ASIC2: variants seen among roughly 807,000 people sequenced by gnomAD.
The protein encoded by ASIC2 is acid sensing ion channel subunit 2.
In ASIC2, 25 loss-of-function variants were observed where a neutral mutation model predicts 57.3. The ratio of observed to expected loss-of-function variants is 0.44; its 90% CI spans 0.32 to 0.61. ASIC2 has a LOEUF of 0.61. Ranked by LOEUF, ASIC2 falls within the 20% of genes least tolerant of loss-of-function variation. The pLI is 0.06. For synonymous variants in ASIC2, 319 were observed against 307.5 expected (o/e 1.04, Z -0.39); for missense variants, 641 against 738.1 (o/e 0.87, Z 1.52).
chr17:33,896,558 A>AG (rs1915103722), intron 1 of ASIC2, among the ~76,000 whole-genome samples: 1 of 152,248 alleles, frequency 6.6e-6, no homozygotes, highest in South Asian at 2.1e-4. Flanking sequence ...CTTGGCCTGC[A>AG]GGGGCTCAGA....
intron 1 of ASIC2, among the ~76,000 whole-genome samples, chr17:33,611,794 A>G (rs1001367764): frequency 9.9e-5 from 15 of 152,218 alleles, no homozygotes; most frequent in South Asian, 2.1e-4. Flanking sequence ...GGCCAACTCA[A>G]TGGGGTGGAG....
At chr17:33,931,160 G>T in intron 1 of ASIC2, 1 of 152,274 alleles carries the variant, frequency 6.6e-6, no homozygotes. Context: ...ATTCAGCTGG[G>T]AGCACCGGCG....
At chr17:33,820,294 TTGAAA>T (rs1312576592) in intron 1 of ASIC2, among the ~76,000 whole-genome samples, 1 of 152,238 alleles carries the variant, frequency 6.6e-6, no homozygotes, top group Non-Finnish European at 1.5e-5. Context: ...GTTATTTTCA[TTGAAA>T]ACTGAGATGA....
At chr17:33,923,716 G>C (rs889309157) in intron 1 of ASIC2, among the ~76,000 whole-genome samples, 3 of 152,204 alleles carry the variant, frequency 2.0e-5, no homozygotes, top group South Asian at 2.1e-4. Flanking sequence ...ACTCTGGAAA[G>C]TGTTTGATAT....
At chr17:33,037,389 C>CTTTTT (rs35286664) in intron 3 of ASIC2, among the ~76,000 whole-genome samples, 3 of 123,820 alleles carry the variant, frequency 2.4e-5, no homozygotes, top group African/African-American at 9.7e-5. Context: ...ACTTCCCCCT[C>CTTTTT]TTTTTTTTTT....
At chr17:33,628,115 G>A (rs1446999231) in intron 1 of ASIC2, among the ~76,000 whole-genome samples, 2 of 152,188 alleles carry the variant, frequency 1.3e-5, no homozygotes, top group Non-Finnish European at 2.9e-5. Flanking sequence ...GGACCTCAAA[G>A]AAGCCAAAGG....
intron 1 of ASIC2, among the ~76,000 whole-genome samples, chr17:33,331,575 A>G (rs1006585410): frequency 2.0e-5 from 3 of 152,210 alleles, no homozygotes; most frequent in African/African-American, 7.2e-5. Flanking sequence ...TTATTCTGCT[A>G]CATTTTTTGG....
chr17:33,967,339 A>T (rs1905104250), intron 1 of ASIC2, among the ~76,000 whole-genome samples: 2 of 152,080 alleles, frequency 1.3e-5, no homozygotes, highest in South Asian at 4.2e-4. Context: ...AGGCTAAAGC[A>T]ATCTTTCCAC....
intron 1 of ASIC2, among the ~76,000 whole-genome samples, chr17:33,956,534 G>T (rs1233533840): frequency 2.0e-5 from 3 of 152,146 alleles, no homozygotes; most frequent in Non-Finnish European, 4.4e-5. Context: ...AGAACCAGCT[G>T]GGGAAAAGCC....
intron 1 of ASIC2, among the ~76,000 whole-genome samples, chr17:33,893,579 T>G (rs780270535): frequency 7.2e-5 from 11 of 152,200 alleles, no homozygotes; most frequent in Admixed American, 1.3e-4. Context: ...ATATGATCAA[T>G]TAGCAGTATC....
chr17:33,529,425 C>T (rs1451708673), intron 1 of ASIC2, among the ~76,000 whole-genome samples: 1 of 152,204 alleles, frequency 6.6e-6, no homozygotes, highest in Non-Finnish European at 1.5e-5. Flanking sequence ...GCGGCATCAG[C>T]ATCAACATCA....
At chr17:33,438,292 T>C (rs1357986376) in intron 1 of ASIC2, among the ~76,000 whole-genome samples, 13 of 152,194 alleles carry the variant, frequency 8.5e-5, no homozygotes, top group Non-Finnish European at 4.4e-5. Flanking sequence ...CAGTAATTGC[T>C]TCACAGGATG....
intron 1 of ASIC2, among the ~76,000 whole-genome samples, chr17:33,146,491 A>G (rs1904569860): frequency 6.6e-6 from 1 of 152,172 alleles, no homozygotes; most frequent in African/African-American, 2.4e-5. Flanking sequence ...TCAACTTCCT[A>G]CTATCAAAAA....
intron 1 of ASIC2, among the ~76,000 whole-genome samples, chr17:34,152,585 A>C (rs1196880975): frequency 1.3e-5 from 2 of 152,202 alleles, no homozygotes; most frequent in African/African-American, 4.8e-5. Context: ...CCCGACTACT[A>C]ATATGGAAAC....
intron 1 of ASIC2, among the ~76,000 whole-genome samples, chr17:33,699,902 A>T (rs959948302): frequency 1.3e-5 from 2 of 152,208 alleles, no homozygotes; most frequent in African/African-American, 4.8e-5. Flanking sequence ...TGACTACAGG[A>T]CTTTCGTTTT....
At chr17:33,471,666 G>T (rs774279974) in intron 1 of ASIC2, among the ~76,000 whole-genome samples, 1 of 152,104 alleles carries the variant, frequency 6.6e-6, no homozygotes, top group South Asian at 2.1e-4. Flanking sequence ...CCTTTTCTCC[G>T]CAGGAATGGC....
At chr17:33,174,075 A>C (rs1905639723) in intron 1 of ASIC2, among the ~76,000 whole-genome samples, 1 of 152,140 alleles carries the variant, frequency 6.6e-6, no homozygotes, top group African/African-American at 2.4e-5. Flanking sequence ...GAAAGAATAG[A>C]GGCAGACTTC....
intron 1 of ASIC2, among the ~76,000 whole-genome samples, chr17:33,701,899 ATTGTCGGTAC>A (rs1412085261): frequency 1.3e-5 from 2 of 152,186 alleles, no homozygotes; most frequent in Admixed American, 1.3e-4. Flanking sequence ...TATGTATTTC[ATTGTCGGTAC>A]TTCTGATCCG....
chr17:33,320,572 T>G (rs1906829652), intron 1 of ASIC2, among the ~76,000 whole-genome samples: 1 of 152,194 alleles, frequency 6.6e-6, no homozygotes, highest in Non-Finnish European at 1.5e-5. Context: ...GTATCCTGTT[T>G]GAGGGTTTTG....
Sources: gnomAD v4.1 joint callset for allele counts (sites outside exome capture counted in the v4.1 genomes callset) on GRCh38, gnomAD v4.1.1 for gene constraint, MANE v1.5 for transcripts, NCBI Gene and HGNC (gene_info 2026-07-23, HGNC 2026-07-21) for gene names.